TXNL4A: variants seen among roughly 807,000 people sequenced by gnomAD.
TXNL4A encodes thioredoxin-like protein 4A.
TXNL4A carries 17 observed loss-of-function variants against 14.6 expected under a neutral mutation model. The ratio of observed to expected loss-of-function variants is 1.16; its 90% confidence interval spans 0.80 to 1.74. The LOEUF is 1.74. Ranked by LOEUF, TXNL4A falls within the 40% of genes most tolerant of loss-of-function variation. The probability of loss-of-function intolerance (pLI) is 0.00; values close to 1 mark genes in which losing one functional copy is unlikely to be tolerated. For missense variants in TXNL4A, 74 were observed against 195.2 expected (o/e 0.38, Z 3.70); for synonymous variants, 83 against 70.6 (o/e 1.18, Z -0.88).
At chr18:79,996,966 A>G (rs1885742731) in intron 1 of TXNL4A, among the ~76,000 whole-genome samples, 1 of 152,138 alleles carries the variant, frequency 6.6e-6, no homozygotes, top group South Asian at 2.1e-4. Context: ...AAGACCTGAC[A>G]TTGCACCACA....
rs1403586580 is a variant in TXNL4A, at chr18:79,972,731, G to C, written c.*954C>G. 1.3e-5 allele frequency: 2 copies of C among 152,176 alleles called. No individual in the cohort carries two copies. The highest frequency in any genetic ancestry group is 1.5e-5 in the Non-Finnish European group (1 of 68,070). The allele number at this position is 152,176 out of a possible 1,614,324, so 9.4% of individuals were successfully genotyped here. On this transcript the variant is annotated 3_prime_UTR_variant, in exon 3 of 3. Transcript: ENST00000269601. ...GCCCACCTCGGCCTCCCAAAGTGCT[G>C]GGATTACAGGTGTGAGCCACCGTGC...
chr18:80,004,865 TGAG>T (rs1259650940), intron 1 of TXNL4A, among the ~76,000 whole-genome samples: 1 of 151,796 alleles, frequency 6.6e-6, no homozygotes, highest in African/African-American at 2.4e-5. Flanking sequence ...TGCAAAGCAG[TGAG>T]GAGGAGAAAG....
intron 1 of TXNL4A, among the ~76,000 whole-genome samples, chr18:79,984,929 C>G (rs2051521554): frequency 6.6e-6 from 1 of 152,148 alleles, no homozygotes; most frequent in Non-Finnish European, 1.5e-5. Context: ...CTCAAAGGCA[C>G]ATGAAATTGT....
At position 80,026,413 on chromosome 18, in the gene TXNL4A, A is replaced by T. The variant is rs2051884795; in HGVS notation, c.-61+7438T>A. The stretch of plus-strand genomic sequence containing the variant: ...GGCTGAAATGAAAGAAAAGGCAGGA[A>T]AATGCAACTCAGGAAGACTAGGGGT... On this transcript the variant is annotated intron_variant, in intron 1 of 2. Coordinates refer to the TXNL4A transcript ENST00000585474. Among the ~76,000 whole-genome samples, 3 of 152,172 alleles carry T rather than the reference A, an allele frequency of 2.0e-5. No individual in the cohort carries two copies. In the East Asian group the frequency reaches 5.8e-4, roughly 29 times the overall value.
intron 1 of TXNL4A, among the ~76,000 whole-genome samples, chr18:79,984,965 T>C (rs550489451): frequency 4.6e-5 from 7 of 152,010 alleles, no homozygotes; most frequent in African/African-American, 9.7e-5. Context: ...TCCTACAAAA[T>C]AGAAAGACAG....
At chr18:80,007,880 T>G (rs562802918) in intron 1 of TXNL4A, among the ~76,000 whole-genome samples, 1 of 152,258 alleles carries the variant, frequency 6.6e-6, no homozygotes, top group Admixed American at 6.5e-5. Flanking sequence ...TTGGCTCCCT[T>G]CTGAATTGCC....
At chr18:80,032,086 C>T (rs528275608) in intron 1 of TXNL4A, among the ~76,000 whole-genome samples, 2 of 152,336 alleles carry the variant, frequency 1.3e-5, no homozygotes, top group South Asian at 4.1e-4. Context: ...TTTTGCCCTC[C>T]TTTTGTTGCT....
At chr18:79,974,374 T>G (rs1201795539) in intron 2 of TXNL4A, among the ~76,000 whole-genome samples, 1 of 152,256 alleles carries the variant, frequency 6.6e-6, no homozygotes, top group Non-Finnish European at 1.5e-5. Flanking sequence ...ATGTTTATGG[T>G]TAGGGAAGTA....
intron 1 of TXNL4A, among the ~76,000 whole-genome samples, chr18:79,981,326 T>C (rs2051459907): frequency 1.3e-5 from 2 of 152,108 alleles, no homozygotes; most frequent in South Asian, 2.1e-4. Flanking sequence ...ACGTAAAAAA[T>C]AGTAAATATT....
In TXNL4A at chr18:80,014,943, T is replaced by C. The variant is rs532879191; in HGVS notation, c.-61+18908A>G. On this transcript the variant is annotated intron_variant, in intron 1 of 2. Coordinates refer to the TXNL4A transcript ENST00000585474. The stretch of plus-strand genomic sequence containing the variant: ...GTGCGGTCACAGGCTCAACACCACA[T>C]GGAAACTGCCAAGGTTTGTGGCTTC... Among the ~76,000 whole-genome samples, 5 of 152,330 alleles carry C rather than the reference T, an allele frequency of 3.3e-5. No homozygotes were observed. The East Asian group carries it at 9.6e-4, about 29-fold the overall frequency.
chr18:79,987,842 T>C (rs1021281682), intron 1 of TXNL4A, among the ~76,000 whole-genome samples: 1 of 152,240 alleles, frequency 6.6e-6, no homozygotes, highest in African/African-American at 2.4e-5. Context: ...AAAGTCCTGC[T>C]TTATGCATAC....
At chr18:80,012,767 T>C (rs778073725) in intron 1 of TXNL4A, among the ~76,000 whole-genome samples, 4 of 152,200 alleles carry the variant, frequency 2.6e-5, no homozygotes, top group Non-Finnish European at 4.4e-5. Context: ...GACAACCCTC[T>C]TTACAGGGTC....
At chr18:80,003,635 T>C (rs1460091360) in intron 1 of TXNL4A, among the ~76,000 whole-genome samples, 1 of 152,226 alleles carries the variant, frequency 6.6e-6, no homozygotes, top group East Asian at 1.9e-4. Flanking sequence ...GGAGAAATAT[T>C]TTAAAAGCTA....
intron 1 of TXNL4A, among the ~76,000 whole-genome samples, chr18:79,996,859 C>T (rs1338091978): frequency 6.6e-6 from 1 of 152,214 alleles, no homozygotes; most frequent in Non-Finnish European, 1.5e-5. Context: ...AGGAAAATCA[C>T]TTGAACCCAG....
At chr18:80,020,166 C>G (rs909590616) in intron 1 of TXNL4A, among the ~76,000 whole-genome samples, 23 of 152,336 alleles carry the variant, frequency 1.5e-4, no homozygotes, top group African/African-American at 5.3e-4. Flanking sequence ...CCACCATCCA[C>G]GTAAGATGTG....
chr18:79,986,789 C>T (rs891162195), intron 1 of TXNL4A: 4 of 985,078 alleles, frequency 4.1e-6, no homozygotes. Flanking sequence ...GAATTCATAA[C>T]TCAAAGTCAA....
At chr18:79,992,116 T>A (rs1032270031), upstream of TXNL4A, among the ~76,000 whole-genome samples, 1 of 152,186 alleles carries the variant, frequency 6.6e-6, no homozygotes, top group Non-Finnish European at 1.5e-5. Context: ...CAGTCAGCTG[T>A]GCATCTGTCT....
chr18:79,989,731 A>C (rs2051611764), upstream of TXNL4A, among the ~76,000 whole-genome samples: 1 of 151,998 alleles, frequency 6.6e-6, no homozygotes, highest in Non-Finnish European at 1.5e-5. Context: ...GCGGTGGCTC[A>C]CGCCTGTAAT....
chr18:79,975,051 AG>A (rs1366073943), intron 2 of TXNL4A, among the ~76,000 whole-genome samples: 2 of 152,226 alleles, frequency 1.3e-5, no homozygotes, highest in African/African-American at 4.8e-5. Flanking sequence ...TGCTGCAGGC[AG>A]GCCCTACATG....
Sources: gnomAD v4.1 joint callset for allele counts (sites outside exome capture counted in the v4.1 genomes callset) on GRCh38, gnomAD v4.1.1 for gene constraint, MANE v1.5 for transcripts, NCBI Gene and HGNC (gene_info 2026-07-23, HGNC 2026-07-21) for gene names.